Variants in TAS2R1 observed in about 807,000 individuals in gnomAD.
TAS2R1 encodes the protein taste receptor type 2 member 1.
For synonymous variants in TAS2R1, 141 were observed against 134.2 expected, an observed-to-expected ratio of 1.05 and a Z score of -0.35; for missense variants, 370 against 353.4, an observed-to-expected ratio of 1.05 and a Z score of -0.38.
the TAS2R1 span, among the ~76,000 whole-genome samples, chr5:9,834,633 G>C: frequency 6.6e-6 from 1 of 151,806 alleles, no homozygotes; most frequent in Non-Finnish European, 1.5e-5. Context: ...ATCTTCAGAC[G>C]TTCCCCAGGG....
upstream of TAS2R1, among the ~76,000 whole-genome samples, chr5:9,633,719 C>A (rs1412920741): frequency 1.3e-5 from 2 of 151,738 alleles, no homozygotes; most frequent in Non-Finnish European, 1.5e-5. Context: ...GCATTTTTTT[C>A]ATATGTTGTT....
the TAS2R1 span, among the ~76,000 whole-genome samples, chr5:9,853,937 A>G: frequency 6.6e-6 from 1 of 152,302 alleles, no homozygotes; most frequent in African/African-American, 2.4e-5. Context: ...CCTGTTTTTA[A>G]TCATACATGA....
the TAS2R1 span, among the ~76,000 whole-genome samples, chr5:9,773,035 T>G: frequency 2.0e-5 from 3 of 152,240 alleles, no homozygotes; most frequent in South Asian, 6.2e-4. Context: ...AAGAATATAC[T>G]CCTGCCACTT....
chr5:9,855,329 G>T, the TAS2R1 span, among the ~76,000 whole-genome samples: 7 of 152,178 alleles, frequency 4.6e-5, no homozygotes, highest in African/African-American at 1.7e-4. Context: ...ATAACCTCTA[G>T]TTCTTTAGAT....
chr5:9,898,757 C>T, the TAS2R1 span, among the ~76,000 whole-genome samples: 1 of 152,174 alleles, frequency 6.6e-6, no homozygotes, highest in Non-Finnish European at 1.5e-5. Flanking sequence ...TAAAGGAGAA[C>T]ATGTAGCAGC....
chr5:9,725,658 G>GC, the TAS2R1 span, among the ~76,000 whole-genome samples: 1 of 151,134 alleles, frequency 6.6e-6, no homozygotes, highest in East Asian at 2.0e-4. Context: ...GACGAGCACC[G>GC]CCCCCTGCTC....
At chr5:9,847,965 A>G in the TAS2R1 span, among the ~76,000 whole-genome samples, 4 of 152,208 alleles carry the variant, frequency 2.6e-5, no homozygotes, top group African/African-American at 9.6e-5. Context: ...GCTCTACCTC[A>G]GACTTACTGA....
chr5:9,742,374 A>G, the TAS2R1 span, among the ~76,000 whole-genome samples: 1 of 152,170 alleles, frequency 6.6e-6, no homozygotes, highest in East Asian at 1.9e-4. Flanking sequence ...TCCATGCAGA[A>G]CACACATCAG....
the TAS2R1 span, among the ~76,000 whole-genome samples, chr5:9,873,186 C>T: frequency 1.3e-5 from 2 of 152,066 alleles, no homozygotes; most frequent in Non-Finnish European, 2.9e-5. Flanking sequence ...ACCCAGGCCC[C>T]CACGCTGCAC....
chr5:9,835,977 C>T, the TAS2R1 span, among the ~76,000 whole-genome samples: 1 of 152,198 alleles, frequency 6.6e-6, no homozygotes, highest in East Asian at 1.9e-4. Context: ...TGGCTGCGTC[C>T]CCACCCAAAT....
the TAS2R1 span, among the ~76,000 whole-genome samples, chr5:9,872,411 TA>T: frequency 6.6e-6 from 1 of 152,166 alleles, no homozygotes; most frequent in Non-Finnish European, 1.5e-5. Flanking sequence ...TTTCCCCTTT[TA>T]AAAAAACCCC....
At chr5:9,836,544 G>C in the TAS2R1 span, among the ~76,000 whole-genome samples, 1 of 152,072 alleles carries the variant, frequency 6.6e-6, no homozygotes, top group African/African-American at 2.4e-5. Flanking sequence ...AATTTCCTTG[G>C]GGCAGGAGGA....
the TAS2R1 span, among the ~76,000 whole-genome samples, chr5:9,815,277 C>T: frequency 1.7e-3 from 257 of 152,234 alleles, no homozygotes; most frequent in African/African-American, 5.8e-3. Context: ...GGGGAAAATA[C>T]CAGAAATGTG....
chr5:9,843,465 G>A, the TAS2R1 span, among the ~76,000 whole-genome samples: 9,037 of 152,066 alleles, frequency 0.059, 639 homozygotes, highest in East Asian at 0.23. Context: ...TCTATCTTCA[G>A]CCACGATTTT....
At chr5:9,663,648 C>T (rs911277347) in intron 1 of TAS2R1, among the ~76,000 whole-genome samples, 1 of 152,178 alleles carries the variant, frequency 6.6e-6, no homozygotes, top group Non-Finnish European at 1.5e-5. Context: ...AAGCTATGTG[C>T]TATTCTCAAA....
chr5:9,762,593 A>C, the TAS2R1 span, among the ~76,000 whole-genome samples: 1 of 152,220 alleles, frequency 6.6e-6, no homozygotes, highest in African/African-American at 2.4e-5. Flanking sequence ...ACTTTTCCAA[A>C]ATGGGTTTCT....
chr5:9,836,416 G>T, the TAS2R1 span, among the ~76,000 whole-genome samples: 1 of 152,026 alleles, frequency 6.6e-6, no homozygotes, highest in African/African-American at 2.4e-5. Context: ...TTGTTGGAGG[G>T]CTGTCATGTG....
intron 1 of TAS2R1, among the ~76,000 whole-genome samples, chr5:9,664,654 G>A (rs981051889): frequency 6.6e-6 from 1 of 152,108 alleles, no homozygotes; most frequent in African/African-American, 2.4e-5. Flanking sequence ...ATAAACCGTG[G>A]GATTCTCTCC....
At chr5:9,899,641 A>T in the TAS2R1 span, among the ~76,000 whole-genome samples, 1 of 151,810 alleles carries the variant, frequency 6.6e-6, no homozygotes, top group Non-Finnish European at 1.5e-5. Context: ...TGTCTAAAAA[A>T]AAAAAAAAAA....
Sources: allele counts gnomAD v4.1 joint callset (sites outside exome capture counted in the v4.1 genomes callset), GRCh38; gene constraint gnomAD v4.1.1; transcripts MANE v1.5; gene names NCBI Gene and HGNC (gene_info 2026-07-23, HGNC 2026-07-21).